Variants in TAS2R1 observed in about 807,000 individuals in gnomAD.
TAS2R1 encodes the protein taste receptor type 2 member 1.
For synonymous variants in TAS2R1, 141 were observed against 134.2 expected, an observed-to-expected ratio of 1.05 and a Z score of -0.35; for missense variants, 370 against 353.4, an observed-to-expected ratio of 1.05 and a Z score of -0.38.
At chr5:9,763,683 A>G in the TAS2R1 span, among the ~76,000 whole-genome samples, 6 of 152,346 alleles carry the variant, frequency 3.9e-5, no homozygotes, top group East Asian at 1.2e-3. Context: ...GAAGAAATGC[A>G]AAAGCGAGAA....
the TAS2R1 span, among the ~76,000 whole-genome samples, chr5:9,841,317 C>T: frequency 6.6e-6 from 1 of 152,178 alleles, no homozygotes; most frequent in East Asian, 1.9e-4. Context: ...CTTTCATCTT[C>T]TCCTTCTAGG....
chr5:9,703,857 T>C (rs909943751), intron 1 of TAS2R1, among the ~76,000 whole-genome samples: 1 of 152,210 alleles, frequency 6.6e-6, no homozygotes, highest in African/African-American at 2.4e-5. Flanking sequence ...AAAGCATAGC[T>C]GCTCTTTTAA....
chr5:9,778,041 C>G, the TAS2R1 span, among the ~76,000 whole-genome samples: 3 of 152,178 alleles, frequency 2.0e-5, no homozygotes, highest in African/African-American at 7.2e-5. Flanking sequence ...CCACCGCGCC[C>G]GGCTAATTTT....
At chr5:9,809,982 A>G in the TAS2R1 span, among the ~76,000 whole-genome samples, 1 of 152,230 alleles carries the variant, frequency 6.6e-6, no homozygotes, top group Admixed American at 6.5e-5. Flanking sequence ...TCAACTTTAC[A>G]TGGAACCTCT....
the TAS2R1 span, among the ~76,000 whole-genome samples, chr5:9,765,296 T>A: frequency 6.6e-6 from 1 of 152,186 alleles, no homozygotes; most frequent in Non-Finnish European, 1.5e-5. Context: ...CTTATTCTTG[T>A]CTTAAGAGAG....
At chr5:9,713,463 T>C (rs930748490), upstream of TAS2R1, among the ~76,000 whole-genome samples, 2 of 152,110 alleles carry the variant, frequency 1.3e-5, no homozygotes, top group Non-Finnish European at 2.9e-5. Context: ...GTCATAATTA[T>C]GCGACTCCCA....
At chr5:9,633,758 A>G (rs906882655), upstream of TAS2R1, among the ~76,000 whole-genome samples, 1 of 151,772 alleles carries the variant, frequency 6.6e-6, no homozygotes, top group Non-Finnish European at 1.5e-5. Flanking sequence ...AGACTTGTCT[A>G]TTCATGTCCT....
the TAS2R1 span, chr5:9,889,708 T>A: frequency 3.3e-5 from 5 of 151,898 alleles, no homozygotes; most frequent in Admixed American, 1.3e-4. Context: ...ATGTGAGAGG[T>A]CATGGAGCCT....
the TAS2R1 span, among the ~76,000 whole-genome samples, chr5:9,853,476 T>C: frequency 2.0e-5 from 3 of 152,200 alleles, no homozygotes; most frequent in Admixed American, 2.0e-4. Context: ...TTCCAGGTGT[T>C]GTCATGGAAA....
At chr5:9,883,384 A>T in the TAS2R1 span, 1 of 152,244 alleles carries the variant, frequency 6.6e-6, no homozygotes, top group Non-Finnish European at 1.5e-5. Context: ...CATAAAATTT[A>T]AAAAAATAAA....
chr5:9,765,910 T>C, the TAS2R1 span, among the ~76,000 whole-genome samples: 1 of 152,352 alleles, frequency 6.6e-6, no homozygotes, highest in African/African-American at 2.4e-5. Flanking sequence ...AATGTGCATA[T>C]AGGTGGCCTA....
chr5:9,836,072 C>T, the TAS2R1 span, among the ~76,000 whole-genome samples: 18 of 152,042 alleles, frequency 1.2e-4, no homozygotes, highest in Non-Finnish European at 2.2e-4. Context: ...ATGCTGTTCT[C>T]GTGATAGCAA....
chr5:9,861,214 T>TC, the TAS2R1 span, among the ~76,000 whole-genome samples: 1 of 151,866 alleles, frequency 6.6e-6, no homozygotes, highest in Non-Finnish European at 1.5e-5. Flanking sequence ...AAAACAGCCT[T>TC]CCCCCTTAGT....
the TAS2R1 span, among the ~76,000 whole-genome samples, chr5:9,817,868 CGAGAGG>C: frequency 6.5e-5 from 9 of 139,442 alleles, no homozygotes; most frequent in Admixed American, 4.0e-4. Context: ...GGCAGGAGAG[CGAGAGG>C]GAGAGGGAGA....
At chr5:9,664,781 A>G (rs988266932) in intron 1 of TAS2R1, among the ~76,000 whole-genome samples, 3 of 152,164 alleles carry the variant, frequency 2.0e-5, no homozygotes, top group Non-Finnish European at 4.4e-5. Flanking sequence ...TTACCCCCTT[A>G]CAATGCACTT....
the TAS2R1 span, among the ~76,000 whole-genome samples, chr5:9,745,710 G>A: frequency 1.3e-5 from 2 of 152,270 alleles, no homozygotes; most frequent in Non-Finnish European, 1.5e-5. Context: ...AAACTGGCTA[G>A]CCATAAGCAG....
chr5:9,710,545 G>T (rs1741709373), intron 1 of TAS2R1, among the ~76,000 whole-genome samples: 1 of 152,128 alleles, frequency 6.6e-6, no homozygotes, highest in Non-Finnish European at 1.5e-5. Context: ...GCTAGAAAAG[G>T]TTTCCGCACA....
intron 2 of TAS2R1, among the ~76,000 whole-genome samples, chr5:9,656,037 G>A (rs1032180859): frequency 4.0e-5 from 6 of 151,882 alleles, no homozygotes; most frequent in African/African-American, 9.7e-5. Context: ...CACTCAGTAC[G>A]TCCCCTAGCA....
chr5:9,742,383 A>G, the TAS2R1 span, among the ~76,000 whole-genome samples: 6 of 152,220 alleles, frequency 3.9e-5, no homozygotes, highest in Non-Finnish European at 2.9e-5. Flanking sequence ...AACACACATC[A>G]GGAGTCTGTA....
Sources: gnomAD v4.1 joint callset for allele counts (sites outside exome capture counted in the v4.1 genomes callset) on GRCh38, gnomAD v4.1.1 for gene constraint, MANE v1.5 for transcripts, NCBI Gene and HGNC (gene_info 2026-07-23, HGNC 2026-07-21) for gene names.